RAB27B: variants seen among roughly 807,000 people sequenced by gnomAD.
RAB27B encodes the protein RAB27B, member RAS oncogene family.
In RAB27B, 15 loss-of-function variants were observed where a neutral mutation model predicts 24.6. The observed-to-expected ratio is 0.61, with a 90% CI of 0.41 to 0.94. RAB27B has a LOEUF of 0.94. Ranked by LOEUF, RAB27B falls within the 40% of genes least tolerant of loss-of-function variation. The pLI is 0.00. For missense variants in RAB27B, 261 were observed against 266.8 expected (o/e 0.98, Z 0.15); for synonymous variants, 105 against 92.5 (o/e 1.14, Z -0.78).
At chr18:54,798,401 G>C (rs1157961555) in intron 2 of RAB27B, among the ~76,000 whole-genome samples, 1 of 152,250 alleles carries the variant, frequency 6.6e-6, no homozygotes, top group Non-Finnish European at 1.5e-5. Flanking sequence ...CAAAACAGAA[G>C]CATGAAGGTG....
chr18:54,827,745 C>A (rs1910521758), upstream of RAB27B, among the ~76,000 whole-genome samples: 1 of 152,036 alleles, frequency 6.6e-6, no homozygotes, highest in Non-Finnish European at 1.5e-5. Context: ...TATAATGTAC[C>A]TAACCTTGTA....
intron 1 of RAB27B, among the ~76,000 whole-genome samples, chr18:54,839,722 A>C (rs938629672): frequency 6.6e-6 from 1 of 152,232 alleles, no homozygotes; most frequent in Non-Finnish European, 1.5e-5. Context: ...TCTAAGAAGC[A>C]GACTGAATGG....
intron 2 of RAB27B, among the ~76,000 whole-genome samples, chr18:54,759,146 G>A (rs1394796862): frequency 2.0e-5 from 3 of 152,166 alleles, no homozygotes; most frequent in Non-Finnish European, 4.4e-5. Flanking sequence ...CAAAGTGGAA[G>A]TCACTAACTG....
intron 2 of RAB27B, among the ~76,000 whole-genome samples, chr18:54,778,256 G>A (rs1908779272): frequency 1.3e-5 from 2 of 151,962 alleles, no homozygotes; most frequent in South Asian, 4.2e-4. Flanking sequence ...CTCCAAAATG[G>A]CTACCTTGCC....
intron 3 of RAB27B, 110 bp from the exon 4 acceptor site, chr18:54,884,223 A>T: frequency 3.1e-6 from 2 of 645,498 alleles, no homozygotes. Context: ...AAGATATTCC[A>T]TAAGGGCCAG....
At chr18:54,756,598 G>A (rs1416551938) in intron 2 of RAB27B, among the ~76,000 whole-genome samples, 2 of 152,102 alleles carry the variant, frequency 1.3e-5, no homozygotes, top group Non-Finnish European at 2.9e-5. Flanking sequence ...TGATGAACAG[G>A]AGCCTACTGT....
chr18:54,800,206 A>C (rs550414329), intron 2 of RAB27B, among the ~76,000 whole-genome samples: 157 of 152,262 alleles, frequency 1.0e-3, no homozygotes, highest in African/African-American at 3.5e-3. Flanking sequence ...GTTGTTAATA[A>C]ATTATATTTA....
intron 2 of RAB27B, among the ~76,000 whole-genome samples, chr18:54,719,543 C>T (rs1909294137): frequency 6.6e-6 from 1 of 151,882 alleles, no homozygotes; most frequent in South Asian, 2.1e-4. Context: ...GTTTATATTG[C>T]TATATAACAT....
At chr18:54,872,863 C>T (rs1423556154) in intron 1 of RAB27B, among the ~76,000 whole-genome samples, 2 of 152,086 alleles carry the variant, frequency 1.3e-5, no homozygotes, top group Non-Finnish European at 2.9e-5. Context: ...ATGTATTGAG[C>T]TCCTTCTATA....
chr18:54,759,200 C>T (rs992370449), intron 2 of RAB27B, among the ~76,000 whole-genome samples: 1 of 152,142 alleles, frequency 6.6e-6, no homozygotes, highest in African/African-American at 2.4e-5. Context: ...AACTGCACAA[C>T]CTTTAAAAGC....
chr18:54,863,568 T>C (rs1912090714), intron 1 of RAB27B, among the ~76,000 whole-genome samples: 1 of 152,138 alleles, frequency 6.6e-6, no homozygotes. Flanking sequence ...CAGTTCAGTG[T>C]TTTTTTAGAA....
At chr18:54,828,729 T>A (rs1285274979) in intron 1 of RAB27B, 29 bp downstream of exon 1, 1 of 152,550 alleles carries the variant, frequency 6.6e-6, no homozygotes, top group African/African-American at 2.4e-5. Flanking sequence ...CTGCTGCTGC[T>A]GGAACGCGTT....
intron 2 of RAB27B, among the ~76,000 whole-genome samples, chr18:54,769,118 T>C (rs1342104935): frequency 1.3e-5 from 2 of 152,160 alleles, no homozygotes; most frequent in Non-Finnish European, 2.9e-5. Flanking sequence ...GCAAGTCTCT[T>C]CTGTTTATGA....
At chr18:54,791,890 G>A (rs1249554682) in intron 2 of RAB27B, among the ~76,000 whole-genome samples, 1 of 152,190 alleles carries the variant, frequency 6.6e-6, no homozygotes, top group African/African-American at 2.4e-5. Flanking sequence ...GAGTTTGGCA[G>A]GGCAGTCGGA....
intron 2 of RAB27B, among the ~76,000 whole-genome samples, chr18:54,765,697 C>T (rs73960605): frequency 0.056 from 8,481 of 152,230 alleles, 303 homozygotes; most frequent in Admixed American, 0.085. Flanking sequence ...TCATTTTTAA[C>T]TTCTTATATC....
chr18:54,733,975 A>G (rs1237069987), intron 2 of RAB27B, among the ~76,000 whole-genome samples: 1 of 152,206 alleles, frequency 6.6e-6, no homozygotes, highest in Non-Finnish European at 1.5e-5. Flanking sequence ...AGTCAGTGAC[A>G]CTTAGGTATC....
intron 2 of RAB27B, among the ~76,000 whole-genome samples, chr18:54,772,874 C>A (rs561951190): frequency 6.6e-6 from 1 of 152,208 alleles, no homozygotes; most frequent in South Asian, 2.1e-4. Flanking sequence ...CTGTTTCCTC[C>A]TTTCTTTGTA....
intron 2 of RAB27B, among the ~76,000 whole-genome samples, chr18:54,792,365 C>T (rs929951454): frequency 9.9e-5 from 15 of 152,112 alleles, no homozygotes; most frequent in Non-Finnish European, 2.1e-4. Flanking sequence ...CACTGTGCTC[C>T]AGCCTAAGCA....
chr18:54,880,581 A>T (rs1912884215), intron 3 of RAB27B: 1 of 152,116 alleles, frequency 6.6e-6, no homozygotes, highest in South Asian at 2.1e-4. Flanking sequence ...TTGACTGTGA[A>T]TTCCATTTAC....
Sources: allele counts gnomAD v4.1 joint callset (sites outside exome capture counted in the v4.1 genomes callset), GRCh38; gene constraint gnomAD v4.1.1; transcripts MANE v1.5; gene names NCBI Gene and HGNC (gene_info 2026-07-23, HGNC 2026-07-21).